ZMAT4: variants seen among roughly 807,000 people sequenced by gnomAD.
ZMAT4 encodes zinc finger matrin-type protein 4.
ZMAT4 carries 17 observed loss-of-function variants against 28.7 expected under a neutral mutation model. That is an observed-to-expected ratio of 0.59 (90% confidence interval 0.41 to 0.89). The LOEUF is 0.89. Ranked by LOEUF, ZMAT4 falls within the 40% of genes least tolerant of loss-of-function variation. The probability of loss-of-function intolerance (pLI) is 0.00; values close to 1 mark genes in which losing one functional copy is unlikely to be tolerated. For synonymous variants in ZMAT4, 117 were observed against 109.2 expected (o/e 1.07, Z -0.44); for missense variants, 240 against 283.8 (o/e 0.85, Z 1.11).
chr8:40,887,371 C>T (rs1358475579), intron 1 of ZMAT4, among the ~76,000 whole-genome samples: 1 of 151,588 alleles, frequency 6.6e-6, no homozygotes, highest in East Asian at 1.9e-4. Flanking sequence ...CACCTGTAAT[C>T]CCAGCTACTC....
chr8:40,837,975 C>G (rs1816558662), intron 1 of ZMAT4, among the ~76,000 whole-genome samples: 1 of 152,206 alleles, frequency 6.6e-6, no homozygotes, highest in South Asian at 2.1e-4. Flanking sequence ...TCTGCTTTGC[C>G]ATCTTGTGAG....
chr8:40,736,829 G>T (rs2150531073), intron 3 of ZMAT4, among the ~76,000 whole-genome samples: 1 of 152,256 alleles, frequency 6.6e-6, no homozygotes, highest in East Asian at 1.9e-4. Context: ...GAGATGAGGG[G>T]CTAAGCAGCT....
chr8:40,666,083 T>C (rs973655864), intron 5 of ZMAT4, among the ~76,000 whole-genome samples: 1 of 152,198 alleles, frequency 6.6e-6, no homozygotes, highest in Admixed American at 6.5e-5. Context: ...AAATGAATAT[T>C]CTATCTTAAC....
At chr8:40,887,579 A>C (rs1367137225) in intron 1 of ZMAT4, among the ~76,000 whole-genome samples, 9 of 152,176 alleles carry the variant, frequency 5.9e-5, no homozygotes, top group Admixed American at 5.9e-4. Flanking sequence ...GTTTAAAGAA[A>C]TCAGAAGTCA....
At chr8:40,665,311 G>A (rs1267683435) in intron 5 of ZMAT4, among the ~76,000 whole-genome samples, 2 of 151,998 alleles carry the variant, frequency 1.3e-5, no homozygotes, top group African/African-American at 2.4e-5. Flanking sequence ...TTTCTCTGTC[G>A]CACATACTAC....
intron 6 of ZMAT4, among the ~76,000 whole-genome samples, chr8:40,572,470 A>G (rs1804129338): frequency 6.6e-6 from 1 of 152,140 alleles, no homozygotes; most frequent in South Asian, 2.1e-4. Context: ...TTTTCAACCA[A>G]CTGAAGTATC....
At chr8:40,679,419 T>A (rs1015439749) in intron 4 of ZMAT4, among the ~76,000 whole-genome samples, 7 of 151,924 alleles carry the variant, frequency 4.6e-5, no homozygotes, top group Non-Finnish European at 1.0e-4. Flanking sequence ...AGGAAAGAGG[T>A]TTAATTAACT....
At chr8:40,560,218 A>ATATATATAT (rs1563340240) in intron 6 of ZMAT4, among the ~76,000 whole-genome samples, 2 of 134,742 alleles carry the variant, frequency 1.5e-5, no homozygotes, top group African/African-American at 5.2e-5. Flanking sequence ...TATATATATA[A>ATATATATAT]AATTTGACCA....
In ZMAT4 at chr8:40,841,951, A is replaced by C. The variant is rs1816716207; in HGVS notation, c.-4-16271T>G. Among the ~76,000 whole-genome samples, 3 of 152,310 alleles carry C rather than the reference A, an allele frequency of 2.0e-5. No individual in the cohort carries two copies. In the South Asian group the frequency reaches 6.2e-4, roughly 32 times the overall value. On this transcript the variant is annotated intron_variant, in intron 1 of 6. Transcript: ENST00000297737. Reference sequence around the variant, plus strand: ...CAGTCTCCAGGAAGAGCCTGGCAGCACGTGCCCACAGGTGTAGACATTCCA... The same window carrying C: ...CAGTCTCCAGGAAGAGCCTGGCAGCCCGTGCCCACAGGTGTAGACATTCCA...
chr8:40,687,258 G>A (rs1005672161), intron 4 of ZMAT4, among the ~76,000 whole-genome samples: 1 of 152,078 alleles, frequency 6.6e-6, no homozygotes, highest in African/African-American at 2.4e-5. Flanking sequence ...ACAGAATTTG[G>A]GCTGATGGCC....
chr8:40,766,267 A>G (rs1813156034), intron 3 of ZMAT4, among the ~76,000 whole-genome samples: 1 of 152,198 alleles, frequency 6.6e-6, no homozygotes, highest in Non-Finnish European at 1.5e-5. Flanking sequence ...TACAATGTCA[A>G]TCTCCCATAC....
intron 5 of ZMAT4, among the ~76,000 whole-genome samples, chr8:40,627,179 A>G (rs1806409087): frequency 6.6e-6 from 1 of 152,186 alleles, no homozygotes; most frequent in Non-Finnish European, 1.5e-5. Context: ...GTCCTTGAAA[A>G]TCTGAGATTT....
chr8:40,753,643 C>T (rs1416967271), intron 3 of ZMAT4, among the ~76,000 whole-genome samples: 1 of 152,102 alleles, frequency 6.6e-6, no homozygotes, highest in Non-Finnish European at 1.5e-5. Flanking sequence ...GGTAGGCAAG[C>T]AATTAATATT....
At chr8:40,875,877 G>C (rs958223218) in intron 1 of ZMAT4, among the ~76,000 whole-genome samples, 24 of 152,186 alleles carry the variant, frequency 1.6e-4, no homozygotes, top group African/African-American at 5.3e-4. Flanking sequence ...AATTAGAAGA[G>C]CTCTGTACCA....
chr8:40,886,899 C>T (rs1255472464), intron 1 of ZMAT4, among the ~76,000 whole-genome samples: 1 of 152,174 alleles, frequency 6.6e-6, no homozygotes, highest in Non-Finnish European at 1.5e-5. Flanking sequence ...AGGTAGGGCG[C>T]AGTGGCTCAC....
At chr8:40,723,909 T>A (rs756963081) in intron 3 of ZMAT4, among the ~76,000 whole-genome samples, 8 of 152,096 alleles carry the variant, frequency 5.3e-5, no homozygotes, top group Non-Finnish European at 1.2e-4. Context: ...AAATGCCACA[T>A]GTGAAAATGC....
chr8:40,548,563 G>C (rs1203443065), intron 6 of ZMAT4, among the ~76,000 whole-genome samples: 1 of 152,156 alleles, frequency 6.6e-6, no homozygotes, highest in Non-Finnish European at 1.5e-5. Flanking sequence ...TTTTCTTAGA[G>C]ATTCTGATGA....
chr8:40,868,572 C>T (rs1197671286), intron 1 of ZMAT4, among the ~76,000 whole-genome samples: 1 of 152,116 alleles, frequency 6.6e-6, no homozygotes, highest in Non-Finnish European at 1.5e-5. Context: ...TCAGTGGCAG[C>T]CAATACAAGA....
chr8:40,792,530 AG>A (rs1486695770), intron 2 of ZMAT4, among the ~76,000 whole-genome samples: 3 of 12,876 alleles, frequency 2.3e-4, no homozygotes, highest in Non-Finnish European at 3.9e-4. Flanking sequence ...GAAGGAAGGA[AG>A]GGACAGAGGG....
Sources: allele counts gnomAD v4.1 joint callset (sites outside exome capture counted in the v4.1 genomes callset), GRCh38; gene constraint gnomAD v4.1.1; transcripts MANE v1.5; gene names NCBI Gene and HGNC (gene_info 2026-07-23, HGNC 2026-07-21).